The following SLC24A2 variants were observed in gnomAD, a reference collection of about 807,000 sequenced individuals.
SLC24A2 encodes the protein solute carrier family 24 member 2.
In SLC24A2, 36 loss-of-function variants were observed where a neutral mutation model predicts 62.0. The observed-to-expected ratio is 0.58, with a 90% CI of 0.44 to 0.77. The LOEUF is 0.77. SLC24A2 is among the 30% of genes least tolerant of loss of function. SLC24A2 has a pLI of 0.00. For missense variants in SLC24A2, 846 were observed against 817.9 expected (o/e 1.03, Z -0.42); for synonymous variants, 358 against 294.0 (o/e 1.22, Z -2.23).
chr9:19,686,832 T>C (rs1819895774), intron 2 of SLC24A2, among the ~76,000 whole-genome samples: 2 of 152,094 alleles, frequency 1.3e-5, no homozygotes, highest in South Asian at 4.1e-4. Context: ...AATACACATG[T>C]GTATGTTCAT....
chr9:20,206,315 G>C, the SLC24A2 span, among the ~76,000 whole-genome samples: 45 of 152,164 alleles, frequency 3.0e-4, no homozygotes, highest in African/African-American at 1.1e-3. Flanking sequence ...TTACAGGAGA[G>C]TGAATGCAGA....
the SLC24A2 span, chr9:19,957,918 G>A: frequency 6.5e-6 from 1 of 153,516 alleles, no homozygotes. Context: ...ATTCGGCCTT[G>A]TTTGTTGCTC....
At chr9:19,962,377 T>C in the SLC24A2 span, among the ~76,000 whole-genome samples, 1 of 152,190 alleles carries the variant, frequency 6.6e-6, no homozygotes, top group Non-Finnish European at 1.5e-5. Context: ...AACTTTAAAG[T>C]AGTTTTTTCC....
chr9:19,829,595 G>A, the SLC24A2 span, among the ~76,000 whole-genome samples: 16 of 151,504 alleles, frequency 1.1e-4, no homozygotes, highest in Admixed American at 7.9e-4. Flanking sequence ...GCTGGGCATC[G>A]TGACTTGTGC....
At chr9:20,054,471 C>T in the SLC24A2 span, among the ~76,000 whole-genome samples, 2 of 152,202 alleles carry the variant, frequency 1.3e-5, no homozygotes, top group African/African-American at 4.8e-5. Context: ...GAATTACAGG[C>T]GTGAGCCACT....
the SLC24A2 span, among the ~76,000 whole-genome samples, chr9:20,080,481 A>T: frequency 7.4e-4 from 113 of 152,310 alleles, no homozygotes; most frequent in African/African-American, 2.6e-3. Context: ...TTAATTCAAG[A>T]TGGATTAAAG....
At chr9:20,264,349 T>C in the SLC24A2 span, among the ~76,000 whole-genome samples, 1 of 152,218 alleles carries the variant, frequency 6.6e-6, no homozygotes, top group Non-Finnish European at 1.5e-5. Context: ...ATAACTCAGT[T>C]CATCTCATCC....
At chr9:19,895,983 G>C in the SLC24A2 span, 8 of 1,594,982 alleles carry the variant, frequency 5.0e-6, no homozygotes, top group Admixed American at 1.3e-4. Context: ...TCTGCTCAGG[G>C]ACACAAGGTG....
the SLC24A2 span, among the ~76,000 whole-genome samples, chr9:20,241,561 C>A: frequency 6.6e-6 from 1 of 152,054 alleles, no homozygotes; most frequent in African/African-American, 2.4e-5. Flanking sequence ...CATCATAGTA[C>A]CTGGTACAAA....
chr9:20,302,909 ACAG>A, the SLC24A2 span, among the ~76,000 whole-genome samples: 1 of 152,226 alleles, frequency 6.6e-6, no homozygotes, highest in Non-Finnish European at 1.5e-5. Flanking sequence ...CAATGCAATG[ACAG>A]CATATTGATA....
At chr9:19,883,726 T>A in the SLC24A2 span, among the ~76,000 whole-genome samples, 1 of 152,186 alleles carries the variant, frequency 6.6e-6, no homozygotes, top group East Asian at 1.9e-4. Flanking sequence ...CCACCATGCC[T>A]GGCGAATTTT....
chr9:19,933,304 G>T, the SLC24A2 span, among the ~76,000 whole-genome samples: 1 of 152,110 alleles, frequency 6.6e-6, no homozygotes, highest in Middle Eastern at 3.2e-3. Context: ...TACAACTTCT[G>T]GGATTCACAG....
intron 2 of SLC24A2, among the ~76,000 whole-genome samples, chr9:19,738,289 T>G (rs1821568835): frequency 6.6e-6 from 1 of 152,212 alleles, no homozygotes; most frequent in Non-Finnish European, 1.5e-5. Flanking sequence ...ATCTGGATGT[T>G]GTTACATTTT....
intron 9 of SLC24A2, 28 bp from the exon 10 acceptor site, chr9:19,521,088 T>G: frequency 6.2e-7 from 1 of 1,610,080 alleles, no homozygotes; most frequent in Non-Finnish European, 8.5e-7. Flanking sequence ...AATAAACATC[T>G]CAGTGTTTGA....
the SLC24A2 span, among the ~76,000 whole-genome samples, chr9:20,145,563 A>T: frequency 0.015 from 2,245 of 151,244 alleles, 77 homozygotes; most frequent in Admixed American, 0.075. Context: ...TCTTTTTTTT[A>T]AAAAAAAGTA....
chr9:19,578,496 G>A (rs1708818334), intron 5 of SLC24A2, among the ~76,000 whole-genome samples: 2 of 151,418 alleles, frequency 1.3e-5, no homozygotes, highest in Non-Finnish European at 2.9e-5. Flanking sequence ...TTATTGCCTA[G>A]ATTCAGATAT....
rs548134352 is a variant in SLC24A2, at chr9:19,621,806, A to C, written c.969+455T>G. On this transcript the variant is annotated intron_variant, in intron 3 of 10. Transcript: ENST00000341998. ...AAGTACTGAAAGCATTCTTTTGTGT[A>C]TTATATATACATTAAGTATATAGGT... Among the ~76,000 whole-genome samples, 4 of 152,334 alleles carry C rather than the reference A, an allele frequency of 2.6e-5. No homozygotes were observed. In the East Asian group the frequency reaches 7.7e-4, roughly 29 times the overall value.
intron 7 of SLC24A2, among the ~76,000 whole-genome samples, chr9:19,559,550 T>TGAAAACAATGGTA (rs1469401181): frequency 6.6e-6 from 1 of 152,170 alleles, no homozygotes; most frequent in Non-Finnish European, 1.5e-5. Flanking sequence ...TGTGCAGAGC[T>TGAAAACAATGGTA]GAAAACAATG....
chr9:19,927,450 C>T, the SLC24A2 span: 1 of 152,200 alleles, frequency 6.6e-6, no homozygotes, highest in Non-Finnish European at 1.5e-5. Context: ...CAATGTTTGA[C>T]CATATAAAGT....
Sources: gnomAD v4.1 joint callset for allele counts (sites outside exome capture counted in the v4.1 genomes callset) on GRCh38, gnomAD v4.1.1 for gene constraint, MANE v1.5 for transcripts, NCBI Gene and HGNC (gene_info 2026-07-23, HGNC 2026-07-21) for gene names.